Variants in EPHA2 observed in about 807,000 individuals in gnomAD.
EPHA2 encodes the protein ephrin type-A receptor 2.
In EPHA2, 54 loss-of-function variants were observed where a neutral mutation model predicts 104.9. The ratio of observed to expected loss-of-function variants is 0.51; its 90% CI spans 0.41 to 0.65. EPHA2 has a LOEUF of 0.65. EPHA2 is among the 30% of genes least tolerant of loss of function. The pLI is 0.00. For missense variants in EPHA2, 1,117 were observed against 1,369.5 expected (o/e 0.82, Z 2.91); for synonymous variants, 560 against 559.1 (o/e 1.00, Z -0.02).
chr1:16,130,163 A>G lies in EPHA2; in HGVS notation c.2669+63T>C, dbSNP rs1464361669. On this transcript the variant is annotated intron_variant, in intron 15 of 16. Coordinates refer to ENST00000358432, the MANE Select transcript of EPHA2 (RefSeq NM_004431.5). This position sits in a 1 kb window ranked among gnomAD's most constrained non-coding sequence, Gnocchi z 4.5. ...TTCACCTGGGTGGCCACTCTACCGA[A>G]GTGGTTCAAGAGTCTGCAGAAGGAA... The G allele has an allele frequency of 1.2e-6, 2 of 1,609,466 alleles. No homozygotes were observed. The highest frequency in any genetic ancestry group is 3.3e-5 in the Admixed American group (2 of 59,906).
chr1:16,129,071 T>C (rs1238374785), intron 16 of EPHA2, among the ~76,000 whole-genome samples: 1 of 151,602 alleles, frequency 6.6e-6, no homozygotes, highest in Non-Finnish European at 1.5e-5. Context: ...TCTGCATCTG[T>C]TTCTCACCTG....
rs757771976 is a variant in EPHA2, at chr1:16,148,863, C to G, written c.338G>C (p.Ser113Thr). 1 of 1,614,178 alleles carries G rather than the reference C, an allele frequency of 6.2e-7. No homozygotes were observed. The highest frequency in any genetic ancestry group is 1.1e-5 in the South Asian group (1 of 91,092). ...RDCNSFPGGASSCKETFNLYY... is the reference protein window; with the variant it reads ...RDCNSFPGGATSCKETFNLYY... ...GAGGTTGAAAGTCTCCTTGCAGGAGCTGGCGCCACCAGGGAAGCTGTTGCA... is the reference window on the plus strand; with the variant it reads ...GAGGTTGAAAGTCTCCTTGCAGGAGGTGGCGCCACCAGGGAAGCTGTTGCA... Residue 113 changes from serine to threonine, a missense_variant, in exon 3 of 17, where the codon AGC becomes ACC. Transcript: ENST00000358432. The surrounding 1 kb of genome is among the most constrained non-coding windows in gnomAD (Gnocchi z 4.9).
Position 16,130,144 on chromosome 1 carries a change from T to G in EPHA2, c.2669+82A>C. The G allele has an allele frequency of 1.3e-6, 2 of 1,580,710 alleles. No individual in the cohort carries two copies. The highest frequency in any genetic ancestry group is 1.7e-6 in the Non-Finnish European group (2 of 1,151,626). ...CAGCACCCCCCCTACCAGCTTCACC[T>G]GGGTGGCCACTCTACCGAAGTGGTT... On this transcript the variant is annotated intron_variant, in intron 15 of 16. Coordinates refer to ENST00000358432, the MANE Select transcript of EPHA2 (RefSeq NM_004431.5). The surrounding 1 kb of genome is among the most constrained non-coding windows in gnomAD (Gnocchi z 4.5).
intron 2 of EPHA2, among the ~76,000 whole-genome samples, chr1:16,149,677 GC>G (rs1228764746): frequency 6.6e-6 from 1 of 152,128 alleles, no homozygotes; most frequent in Non-Finnish European, 1.5e-5. Flanking sequence ...TGGGCCAGGT[GC>G]CCCCCGCCAC....
intron 3 of EPHA2, among the ~76,000 whole-genome samples, chr1:16,143,699 G>C (rs1238987307): frequency 3.3e-5 from 5 of 152,164 alleles, no homozygotes; most frequent in African/African-American, 1.2e-4. Flanking sequence ...GAGGTCAAGA[G>C]GTCATGGTGG....
chr1:16,149,448 T>C (rs981631260), intron 2 of EPHA2, among the ~76,000 whole-genome samples: 2 of 152,210 alleles, frequency 1.3e-5, no homozygotes, highest in African/African-American at 4.8e-5. Context: ...TGGCACAAGG[T>C]AACAGGCATA....
intron 3 of EPHA2, among the ~76,000 whole-genome samples, chr1:16,145,697 G>C (rs1027443033): frequency 5.3e-5 from 8 of 152,102 alleles, no homozygotes; most frequent in African/African-American, 1.9e-4. Flanking sequence ...AACAGACCCT[G>C]CCATCCCCAG....
Position 16,134,382 on chromosome 1 carries a change from C to G in EPHA2, c.1682+86G>C. On this transcript the variant is annotated intron_variant, in intron 8 of 16. Transcript: ENST00000358432. The surrounding 1 kb of genome is among the most constrained non-coding windows in gnomAD (Gnocchi z 4.5). ...TAGACTCGACTAGCATCCTGTGGGC[C>G]CCATCGTTCAGATGAGGAAATGGAG... 1 of 1,359,486 alleles carries G rather than the reference C, an allele frequency of 7.4e-7. No individual in the cohort carries two copies. Among genetic ancestry groups the G allele is most frequent in the Middle Eastern group, 1.8e-4 (1 of 5,594 alleles). 84.2% of individuals were successfully genotyped at this position (1,359,486 alleles called of 1,614,324 possible).
intron 5 of EPHA2, 41 bp downstream of exon 5, chr1:16,137,812 G>T (rs747945666): frequency 6.2e-7 from 1 of 1,611,014 alleles, no homozygotes; most frequent in Non-Finnish European, 8.5e-7. Context: ...GCCCCACCTG[G>T]GCAGGCCCCA....
chr1:16,139,062 A>G (rs1430891342), intron 3 of EPHA2, among the ~76,000 whole-genome samples: 4 of 152,218 alleles, frequency 2.6e-5, no homozygotes, highest in East Asian at 1.9e-4. Context: ...CTCTGCTTCC[A>G]GGACCGAGTC....
chr1:16,143,044 G>A (rs1391378204), intron 3 of EPHA2, among the ~76,000 whole-genome samples: 1 of 148,576 alleles, frequency 6.7e-6, no homozygotes, highest in Non-Finnish European at 1.5e-5. Context: ...TGGGTGGAGG[G>A]GTGGGCAGAT....
intron 2 of EPHA2, 150 bp from the exon 3 acceptor site, chr1:16,149,197 G>T: frequency 2.4e-6 from 2 of 833,270 alleles, no homozygotes; most frequent in East Asian, 5.3e-5. Flanking sequence ...GGTGGGGGCT[G>T]CATCCATAAG....
At chr1:16,126,813 G>A (rs2024477866) in intron 16 of EPHA2, among the ~76,000 whole-genome samples, 1 of 152,152 alleles carries the variant, frequency 6.6e-6, no homozygotes, top group African/African-American at 2.4e-5. Flanking sequence ...AAACCAGTGG[G>A]TTGTAAGCTC....
chr1:16,148,578 A>G lies in EPHA2; in HGVS notation c.623T>C (p.Leu208Pro). The change falls in exon 3 of 17, where the codon CTG becomes CCG. Residue 208 changes from leucine (L) to proline (P), a missense_variant. Leu to Pro is a moderately conservative substitution (Grantham distance 98). This residue lies in a region of EPHA2 where 664 missense variants were observed against 784.8 expected (regional missense o/e 0.85). Coordinates refer to ENST00000358432, the MANE Select transcript of EPHA2 (RefSeq NM_004431.5). The surrounding 1 kb of genome is among the most constrained non-coding windows in gnomAD (Gnocchi z 4.9). ...GGCGATGGTCTCAGGGAAGTGGGCC[A>G]GGCCCTGCAGCAGCTCGGGGCACTT... ...YKKCPELLQGLAHFPETIAGS... is the reference protein window; with the variant it reads ...YKKCPELLQGPAHFPETIAGS... The G allele has an allele frequency of 1.2e-6, 2 of 1,611,660 alleles. No homozygotes were observed. The highest frequency in any genetic ancestry group is 8.5e-7 in the Non-Finnish European group (1 of 1,179,994).
At chr1:16,136,713 A>AAAGAAGAAGAAGAAGAAG (rs202150956) in intron 5 of EPHA2, among the ~76,000 whole-genome samples, 3,978 of 102,630 alleles carry the variant, frequency 0.039, 166 homozygotes, top group African/African-American at 0.051. Context: ...AAGAAGAAGA[A>AAAGAAGAAGAAGAAGAAG]AAGAAGAAGA....
chr1:16,151,198 C>T (rs2025027775), intron 1 of EPHA2, among the ~76,000 whole-genome samples: 2 of 152,212 alleles, frequency 1.3e-5, no homozygotes, highest in Admixed American at 6.5e-5. Flanking sequence ...AGGACTGGGC[C>T]TCCAGTCTCC....
Position 16,135,826 on chromosome 1 carries a change from G to C in EPHA2, c.1313-56C>G. Reference sequence around the variant, plus strand: ...TAAGAAGCTGCCTACGAGCAGGCAGGGTTTGGGGGGACAAGTGGACGTGGA... The same window carrying C: ...TAAGAAGCTGCCTACGAGCAGGCAGCGTTTGGGGGGACAAGTGGACGTGGA... On this transcript the variant is annotated intron_variant, in intron 5 of 16. Transcript: ENST00000358432. The surrounding 1 kb of genome is among the most constrained non-coding windows in gnomAD (Gnocchi z 4.3). 1.2e-6 allele frequency: 1 copy of C among 824,944 alleles called. No homozygotes were observed. The highest frequency in any genetic ancestry group is 2.1e-6 in the Non-Finnish European group (1 of 471,144). The allele number at this position is 824,944 out of a possible 1,614,324, so 51.1% of individuals were successfully genotyped here.
In EPHA2 at chr1:16,128,468, C is replaced by T. The variant is rs915297140; in HGVS notation, c.2825+966G>A. ...AGAATGTTCATGAACAGGCTCAAATCCCAGAACTTCTGTGACCTAGAACCA... is the reference window on the plus strand; with the variant it reads ...AGAATGTTCATGAACAGGCTCAAATTCCAGAACTTCTGTGACCTAGAACCA... On this transcript the variant is annotated intron_variant, in intron 16 of 16. Transcript: ENST00000358432. This position sits in a 1 kb window ranked among gnomAD's most constrained non-coding sequence, Gnocchi z 4.7. Among the ~76,000 whole-genome samples, 36 of 152,184 alleles carry T rather than the reference C, an allele frequency of 2.4e-4. No homozygotes were observed. The highest frequency in any genetic ancestry group is 4.9e-4 in the Non-Finnish European group (33 of 68,038).
At chr1:16,155,815 G>T in intron 1 of EPHA2, 33 bp downstream of exon 1, 1 of 1,373,696 alleles carries the variant, frequency 7.3e-7, no homozygotes, top group South Asian at 1.7e-5. Context: ...CTGGGGCCCG[G>T]GGGCCAGGGG....
Sources: gnomAD v4.1 joint callset for allele counts (sites outside exome capture counted in the v4.1 genomes callset) on GRCh38, gnomAD v4.1.1 for gene constraint, gnomAD v4.1.1 regional missense constraint, Gnocchi (gnomAD v3.1) non-coding constraint, MANE v1.5 for transcripts, NCBI Gene and HGNC (gene_info 2026-07-23, HGNC 2026-07-21) for gene names.